Variants in SCAPER observed in about 807,000 individuals in gnomAD.
SCAPER encodes S phase cyclin A-associated protein in the endoplasmic reticulum.
Under a neutral mutation model 182.2 loss-of-function variants are expected in SCAPER, and 98 were observed. That is an observed-to-expected ratio of 0.54 (90% CI 0.46 to 0.64). SCAPER has a LOEUF of 0.64. Ranked by LOEUF, SCAPER falls within the 30% of genes least tolerant of loss-of-function variation. The pLI is 0.00. For missense variants in SCAPER, 1,432 were observed against 1,690.0 expected (o/e 0.85, Z 2.68); for synonymous variants, 605 against 564.6 (o/e 1.07, Z -1.01).
chr15:76,520,282 G>C (rs1567336315), intron 23 of SCAPER, among the ~76,000 whole-genome samples: 1 of 152,122 alleles, frequency 6.6e-6, no homozygotes, highest in Non-Finnish European at 1.5e-5. Flanking sequence ...GCAGTGGTGT[G>C]ATCATAGGTC....
chr15:76,588,629 T>C (rs1447310733), intron 22 of SCAPER, among the ~76,000 whole-genome samples: 2 of 152,184 alleles, frequency 1.3e-5, no homozygotes, highest in Admixed American at 1.3e-4. Flanking sequence ...ACTATCCCAT[T>C]TGTTGTGCTG....
At chr15:76,651,464 G>A (rs147640499) in intron 21 of SCAPER, among the ~76,000 whole-genome samples, 1 of 151,866 alleles carries the variant, frequency 6.6e-6, no homozygotes, top group Non-Finnish European at 1.5e-5. Flanking sequence ...AATAGGAGTA[G>A]TGAGAGTGAG....
rs549285021 is a variant in SCAPER, at chr15:76,883,586, TA to T, written c.6+225del. Among the ~76,000 whole-genome samples the T allele has an allele frequency of 2.0e-3, 310 of 152,346 alleles. 1 individual carries two copies. Among genetic ancestry groups the T allele is most frequent in the Non-Finnish European group, 3.2e-3 (219 of 68,034 alleles). On this transcript the variant is annotated intron_variant, in intron 2 of 31. Transcript: ENST00000563290. ...AAAAGCTGGCTTCCACTTGTATTCC[TA>T]ACCTAGGTACCATAAGTGTTAGAGG... is the stretch of plus-strand genomic sequence containing the variant.
At chr15:76,457,284 CG>C (rs1480763840) in intron 25 of SCAPER, among the ~76,000 whole-genome samples, 1 of 152,032 alleles carries the variant, frequency 6.6e-6, no homozygotes, top group Non-Finnish European at 1.5e-5. Context: ...AGGATGGTCT[CG>C]ATCTCCTGAC....
intron 5 of SCAPER, among the ~76,000 whole-genome samples, chr15:76,821,296 TA>T (rs1476502682): frequency 6.6e-6 from 1 of 152,168 alleles, no homozygotes; most frequent in Non-Finnish European, 1.5e-5. Context: ...TGCTCACGGC[TA>T]AGAAGAATGA....
At chr15:76,648,735 C>T (rs1292341688) in intron 21 of SCAPER, among the ~76,000 whole-genome samples, 1 of 152,218 alleles carries the variant, frequency 6.6e-6, no homozygotes, top group East Asian at 1.9e-4. Context: ...CCTGACAAAT[C>T]CAGCTGCAGG....
intron 22 of SCAPER, among the ~76,000 whole-genome samples, chr15:76,608,626 C>T (rs1001227694): frequency 6.6e-6 from 1 of 152,340 alleles, no homozygotes; most frequent in East Asian, 1.9e-4. Flanking sequence ...GTGGAGCCTA[C>T]AGAGGCAGGC....
chr15:76,743,858 C>T (rs1279165253), intron 15 of SCAPER, among the ~76,000 whole-genome samples: 1 of 152,122 alleles, frequency 6.6e-6, no homozygotes, highest in Non-Finnish European at 1.5e-5. Context: ...AGGAACAAAG[C>T]TTGAGGCATC....
intron 20 of SCAPER, among the ~76,000 whole-genome samples, chr15:76,686,510 A>T (rs2058047257): frequency 1.3e-5 from 2 of 152,066 alleles, no homozygotes; most frequent in South Asian, 2.1e-4. Context: ...ATCATCTCTA[A>T]AATTGAACAT....
intron 26 of SCAPER, among the ~76,000 whole-genome samples, chr15:76,428,313 T>C (rs760867241): frequency 6.6e-6 from 1 of 152,198 alleles, no homozygotes; most frequent in Non-Finnish European, 1.5e-5. Context: ...CCCATGTTTA[T>C]TGCAGCACTA....
intron 26 of SCAPER, among the ~76,000 whole-genome samples, chr15:76,430,299 G>A (rs746565080): frequency 2.0e-5 from 3 of 152,192 alleles, no homozygotes; most frequent in South Asian, 2.1e-4. Context: ...CTGTGGCACC[G>A]CATAGTGGAG....
intron 21 of SCAPER, among the ~76,000 whole-genome samples, chr15:76,652,371 C>CACACACACATATATATAT (rs764864981): frequency 6.2e-4 from 5 of 8,056 alleles, no homozygotes; most frequent in South Asian, 7.6e-3. Context: ...CACACACACA[C>CACACACACATATATATAT]ATATATATAT....
At chr15:76,350,274 A>C (rs2040446116) in intron 31 of SCAPER, 1 of 151,860 alleles carries the variant, frequency 6.6e-6, no homozygotes, top group South Asian at 2.1e-4. Context: ...GAGTCAATAA[A>C]ACGTCTTTTT....
chr15:76,864,937 G>A (rs1160810467), intron 2 of SCAPER, among the ~76,000 whole-genome samples: 1 of 151,878 alleles, frequency 6.6e-6, no homozygotes, highest in East Asian at 1.9e-4. Flanking sequence ...TTTTTTTCCT[G>A]AAGCATTTGA....
intron 9 of SCAPER, among the ~76,000 whole-genome samples, chr15:76,772,187 T>C: frequency 6.6e-6 from 1 of 152,034 alleles, no homozygotes; most frequent in South Asian, 2.1e-4. Context: ...TATCCAAAGT[T>C]TTCTAAGAAA....
chr15:76,368,341 T>C (rs2041936794), intron 29 of SCAPER, among the ~76,000 whole-genome samples: 4 of 152,272 alleles, frequency 2.6e-5, no homozygotes, highest in Admixed American at 6.5e-5. Flanking sequence ...ACTGCCACTC[T>C]TAACACACAA....
At chr15:76,663,398 G>T (rs142693919) in intron 21 of SCAPER, among the ~76,000 whole-genome samples, 2 of 152,018 alleles carry the variant, frequency 1.3e-5, no homozygotes, top group African/African-American at 4.8e-5. Flanking sequence ...GGTATTTACC[G>T]AAGAGAAATA....
intron 4 of SCAPER, among the ~76,000 whole-genome samples, chr15:76,849,918 C>T (rs574556036): frequency 6.6e-6 from 1 of 152,140 alleles, no homozygotes; most frequent in Non-Finnish European, 1.5e-5. Context: ...AGTGGCAGGA[C>T]AGAGTGAGTG....
intron 15 of SCAPER, chr15:76,736,825 CA>C (rs2061295376): frequency 6.1e-6 from 1 of 164,652 alleles, no homozygotes; most frequent in South Asian, 1.7e-4. Context: ...GGTCTTTGAT[CA>C]AGGAATATGA....
Sources: allele counts gnomAD v4.1 joint callset (sites outside exome capture counted in the v4.1 genomes callset), GRCh38; gene constraint gnomAD v4.1.1; transcripts MANE v1.5; gene names NCBI Gene and HGNC (gene_info 2026-07-23, HGNC 2026-07-21).